The following NAALADL2 variants were observed in gnomAD, a reference collection of about 807,000 sequenced individuals.
NAALADL2 encodes the protein inactive N-acetylated-alpha-linked acidic dipeptidase-like protein 2.
A neutral mutation model predicts 87.2 loss-of-function variants in NAALADL2; 76 were observed. The ratio of observed to expected loss-of-function variants is 0.87; its 90% confidence interval spans 0.72 to 1.05. The LOEUF is 1.05. Ranked by LOEUF, NAALADL2 falls within the 50% of genes least tolerant of loss-of-function variation. The pLI, the probability that NAALADL2 is intolerant of heterozygous loss-of-function variation, is 0.00. For missense variants in NAALADL2, 1,089 were observed against 945.8 expected (o/e 1.15, Z -1.99); for synonymous variants, 354 against 331.0 (o/e 1.07, Z -0.75).
chr3:175,094,638 G>C (rs1011246844), intron 1 of NAALADL2, among the ~76,000 whole-genome samples: 2 of 151,774 alleles, frequency 1.3e-5, no homozygotes, highest in African/African-American at 4.8e-5. Context: ...GAGATGGAGG[G>C]AGGGAGGGAA....
At chr3:175,233,570 T>A (rs1745329748) in intron 2 of NAALADL2, among the ~76,000 whole-genome samples, 1 of 152,086 alleles carries the variant, frequency 6.6e-6, no homozygotes, top group Admixed American at 6.6e-5. Context: ...GTGTCCCAAG[T>A]AGGTGGGACC....
intron 1 of NAALADL2, among the ~76,000 whole-genome samples, chr3:174,973,390 A>G (rs1403735286): frequency 4.6e-5 from 7 of 152,182 alleles, no homozygotes; most frequent in African/African-American, 1.7e-4. Flanking sequence ...TCTTATTAAA[A>G]TTGAGGTTAA....
chr3:175,011,359 G>T (rs1749799752), intron 1 of NAALADL2, among the ~76,000 whole-genome samples: 1 of 151,288 alleles, frequency 6.6e-6, no homozygotes, highest in Admixed American at 6.6e-5. Context: ...GCTTGAAGTT[G>T]TAATATAATG....
chr3:175,129,652 T>C (rs115593302), intron 2 of NAALADL2, among the ~76,000 whole-genome samples: 4 of 151,970 alleles, frequency 2.6e-5, no homozygotes, highest in African/African-American at 9.7e-5. Context: ...TAAGGCTTAA[T>C]AATATTTCAT....
At chr3:175,060,231 C>T (rs763752506) in intron 1 of NAALADL2, among the ~76,000 whole-genome samples, 39 of 152,140 alleles carry the variant, frequency 2.6e-4, no homozygotes, top group Non-Finnish European at 5.0e-4. Flanking sequence ...TCATAGGCTG[C>T]CAGGGAAATC....
intron 2 of NAALADL2, among the ~76,000 whole-genome samples, chr3:175,226,064 T>C (rs972960437): frequency 6.6e-6 from 1 of 152,104 alleles, no homozygotes; most frequent in African/African-American, 2.4e-5. Flanking sequence ...AATTAAAGTA[T>C]TTGTTGAGTA....
chr3:175,356,424 A>T (rs1764370477), intron 5 of NAALADL2, among the ~76,000 whole-genome samples: 1 of 151,726 alleles, frequency 6.6e-6, no homozygotes, highest in Non-Finnish European at 1.5e-5. Context: ...AACTAAAAAT[A>T]AATTAGCTAG....
chr3:174,675,551 A>G (rs1486558856), intron 2 of NAALADL2, among the ~76,000 whole-genome samples: 2 of 152,076 alleles, frequency 1.3e-5, no homozygotes, highest in Admixed American at 6.6e-5. Context: ...TGCAAAAAGC[A>G]ATTTTTGCAA....
chr3:175,178,750 A>G lies in NAALADL2; in HGVS notation c.546-55181A>G, dbSNP rs567059159. ...TTTCAACTAATGATGCTGCTGGTCCAGGGGTTATGCTTTGAGGACCAGTGC... is the reference window on the plus strand; with the variant it reads ...TTTCAACTAATGATGCTGCTGGTCCGGGGGTTATGCTTTGAGGACCAGTGC... On this transcript the variant is annotated intron_variant, in intron 2 of 13. Coordinates refer to ENST00000454872, the MANE Select transcript of NAALADL2 (RefSeq NM_207015.3). 2.6e-5 allele frequency among the ~76,000 whole-genome samples: 4 copies of G among 152,172 alleles called. No individual in the cohort carries two copies. In the South Asian group the frequency reaches 8.3e-4, roughly 32 times the overall value.
chr3:175,671,002 AT>A lies in NAALADL2; in HGVS notation c.1896+43617del, dbSNP rs140790624. 6.5e-3 allele frequency among the ~76,000 whole-genome samples: 986 copies of A among 151,718 alleles called. 14 individuals are homozygous for A. Among genetic ancestry groups the A allele is most frequent in the African/African-American group, 0.018 (753 of 41,390 alleles). On this transcript the variant is annotated intron_variant, in intron 11 of 13. Transcript: ENST00000454872. The stretch of plus-strand genomic sequence containing the variant: ...AAGTGACCTCAAGTTGTAAAAAAAA[AT>A]AATAATAATAAGCAAAAAAGCGAGA...
intron 5 of NAALADL2, among the ~76,000 whole-genome samples, chr3:175,351,185 C>A (rs1763723190): frequency 1.3e-5 from 2 of 152,006 alleles, no homozygotes; most frequent in Non-Finnish European, 2.9e-5. Flanking sequence ...TTGGCTTCAA[C>A]ACAGCAAAAC....
At chr3:175,697,085 T>G (rs1737893166) in intron 11 of NAALADL2, among the ~76,000 whole-genome samples, 2 of 152,166 alleles carry the variant, frequency 1.3e-5, no homozygotes, top group South Asian at 4.1e-4. Flanking sequence ...CTATGGAATT[T>G]TAACCTGTCT....
chr3:174,489,679 C>T (rs776961825), intron 1 of NAALADL2, among the ~76,000 whole-genome samples: 1 of 151,914 alleles, frequency 6.6e-6, no homozygotes, highest in Non-Finnish European at 1.5e-5. Context: ...AGACATTTCT[C>T]AGAAGAAGAA....
At chr3:174,944,220 T>A (rs1423306118) in intron 1 of NAALADL2, among the ~76,000 whole-genome samples, 1 of 152,084 alleles carries the variant, frequency 6.6e-6, no homozygotes, top group Admixed American at 6.5e-5. Context: ...TGAACCCACC[T>A]GTAGGAGGTG....
At chr3:174,531,037 T>A (rs1453816538) in intron 1 of NAALADL2, among the ~76,000 whole-genome samples, 1 of 152,168 alleles carries the variant, frequency 6.6e-6, no homozygotes, top group Non-Finnish European at 1.5e-5. Flanking sequence ...ACAAATACAG[T>A]CTTAAAGCAT....
chr3:174,542,885 A>G (rs1722370626), intron 1 of NAALADL2, among the ~76,000 whole-genome samples: 1 of 152,198 alleles, frequency 6.6e-6, no homozygotes, highest in African/African-American at 2.4e-5. Context: ...TATGAGAATA[A>G]TTAGAGAAGG....
chr3:175,629,449 C>T (rs1212649329), intron 11 of NAALADL2, among the ~76,000 whole-genome samples: 1 of 150,678 alleles, frequency 6.6e-6, no homozygotes, highest in Non-Finnish European at 1.5e-5. Flanking sequence ...CACTCAGAGT[C>T]TACATTTATT....
intron 5 of NAALADL2, among the ~76,000 whole-genome samples, chr3:175,434,031 C>A (rs949427382): frequency 2.0e-5 from 3 of 151,870 alleles, no homozygotes; most frequent in Non-Finnish European, 4.4e-5. Flanking sequence ...GAGTGGTAAT[C>A]AGGTCACAGT....
chr3:174,975,181 C>A (rs994192075), intron 1 of NAALADL2, among the ~76,000 whole-genome samples: 1 of 152,120 alleles, frequency 6.6e-6, no homozygotes, highest in Non-Finnish European at 1.5e-5. Flanking sequence ...CCACTGTCTT[C>A]CCTGAGTGAC....
Sources: allele counts gnomAD v4.1 joint callset (sites outside exome capture counted in the v4.1 genomes callset), GRCh38; gene constraint gnomAD v4.1.1; transcripts MANE v1.5; gene names NCBI Gene and HGNC (gene_info 2026-07-23, HGNC 2026-07-21).